Variants in SLC49A4 observed in about 807,000 individuals in gnomAD.
SLC49A4 encodes disrupted in renal cancer protein 2.
A neutral mutation model predicts 50.6 loss-of-function variants in SLC49A4; 36 were observed. The observed-to-expected ratio is 0.71, with a 90% CI of 0.55 to 0.94. The LOEUF (loss-of-function observed/expected upper bound fraction) is 0.94, where lower values mean the gene tolerates loss of function less well. SLC49A4 is among the 40% of genes least tolerant of loss of function. The pLI is 0.00. For synonymous variants in SLC49A4, 248 were observed against 241.2 expected (o/e 1.03, Z -0.26); for missense variants, 503 against 605.7 (o/e 0.83, Z 1.78).
chr3:122,876,257 T>C (rs1937266275), intron 8 of SLC49A4, among the ~76,000 whole-genome samples: 1 of 152,238 alleles, frequency 6.6e-6, no homozygotes, highest in Non-Finnish European at 1.5e-5. Context: ...TTCTGAAGTT[T>C]GTGTTATCTG....
At chr3:122,855,331 G>A (rs1936973542) in intron 5 of SLC49A4, among the ~76,000 whole-genome samples, 1 of 152,198 alleles carries the variant, frequency 6.6e-6, no homozygotes, top group African/African-American at 2.4e-5. Context: ...GGGTCAAGAA[G>A]TAAGAAGATA....
chr3:122,796,716 T>C (rs987261210), intron 1 of SLC49A4, among the ~76,000 whole-genome samples: 3 of 152,140 alleles, frequency 2.0e-5, no homozygotes, highest in Admixed American at 6.5e-5. Flanking sequence ...TTTTGAGGGT[T>C]AAGATTTCAA....
rs1169838683 is a variant in SLC49A4 at position 122,831,724 on chromosome 3, G to T, written c.704-1593G>T. Among the ~76,000 whole-genome samples the T allele has an allele frequency of 2.0e-5, 3 of 152,072 alleles. 1 individual carries two copies. The highest frequency in any genetic ancestry group is 2.9e-5 in the Non-Finnish European group (2 of 67,962). ...GGTAAATGAAAAACCACTAGATTGT[G>T]CACTTTAAATGTGTGCATTGTATGT... On this transcript the variant is annotated intron_variant, in intron 3 of 8. Transcript: ENST00000261038.
At chr3:122,815,135 G>C (rs148080086) in intron 2 of SLC49A4, among the ~76,000 whole-genome samples, 4,845 of 151,936 alleles carry the variant, frequency 0.032, 107 homozygotes, top group Middle Eastern at 0.078. Flanking sequence ...TGTCACCCAG[G>C]CTGGAGTGCA....
chr3:122,795,752 A>G (rs1171151089), intron 1 of SLC49A4, among the ~76,000 whole-genome samples: 2 of 152,208 alleles, frequency 1.3e-5, no homozygotes, highest in African/African-American at 4.8e-5. Context: ...TTTTTTATCA[A>G]GGCCCTTTAT....
chr3:122,826,985 C>T lies in SLC49A4; in HGVS notation c.623C>T (p.Pro208Leu). 6.2e-7 allele frequency: 1 copy of T among 1,614,172 alleles called. No homozygotes were observed. The highest frequency in any genetic ancestry group is 1.7e-5 in the Admixed American group (1 of 60,018). Residue 208 changes from proline (P) to leucine (L), a missense_variant, in exon 3 of 9, where the codon CCC becomes CTC. Transcript: ENST00000261038. ...FLVGPLVVPA[P>L]NGTSPLLAAE... The stretch of plus-strand genomic sequence containing the variant: ...GTTGGACCACTTGTTGTTCCAGCTC[C>T]CAATGGGACATCACCTCTTCTTGCT...
chr3:122,835,808 C>T (rs1936675210), intron 4 of SLC49A4, among the ~76,000 whole-genome samples: 1 of 152,104 alleles, frequency 6.6e-6, no homozygotes, highest in East Asian at 1.9e-4. Flanking sequence ...AAGAGGAAGT[C>T]AAATGATCAC....
chr3:122,817,537 T>C (rs1936387820), intron 2 of SLC49A4, among the ~76,000 whole-genome samples: 1 of 151,566 alleles, frequency 6.6e-6, no homozygotes, highest in African/African-American at 2.4e-5. Context: ...GTTTTGCATG[T>C]GTGTGTGAGA....
intron 2 of SLC49A4, among the ~76,000 whole-genome samples, chr3:122,812,933 G>A (rs80352935): frequency 0.032 from 4,867 of 152,134 alleles, 109 homozygotes; most frequent in Middle Eastern, 0.078. Context: ...GTCATGATAA[G>A]CATTTAAGAG....
At chr3:122,859,975 A>G in intron 6 of SLC49A4, 100 bp from the exon 7 acceptor site, 9 of 1,050,682 alleles carry the variant, frequency 8.6e-6, no homozygotes, top group Non-Finnish European at 1.2e-5. Flanking sequence ...TTAAAAGAAT[A>G]TATGGAAAAT....
At chr3:122,847,815 CTG>C (rs1936876477) in intron 5 of SLC49A4, among the ~76,000 whole-genome samples, 1 of 152,138 alleles carries the variant, frequency 6.6e-6, no homozygotes. Context: ...ATTTAGCAGA[CTG>C]AGGCTATAAT....
intron 2 of SLC49A4, among the ~76,000 whole-genome samples, chr3:122,813,542 C>T (rs903715557): frequency 5.4e-4 from 83 of 152,302 alleles, no homozygotes; most frequent in African/African-American, 1.8e-3. Context: ...TGTATATCAT[C>T]ACAATCATGA....
chr3:122,811,975 T>C (rs1427572086), intron 2 of SLC49A4, among the ~76,000 whole-genome samples: 2 of 152,126 alleles, frequency 1.3e-5, no homozygotes, highest in Non-Finnish European at 2.9e-5. Flanking sequence ...CTTTTTTTTT[T>C]CTTTTGGAAA....
rs757007238 is a variant in SLC49A4 at position 122,879,353 on chromosome 3, A to G, written c.1412A>G (p.Tyr471Cys). The G allele has an allele frequency of 1.1e-5, 17 of 1,613,756 alleles. No homozygotes were observed. The East Asian group carries it at 1.8e-4, about 17-fold the overall frequency. ...TTCAGGGAATCCTATGACAGACTCT[A>G]TCTTGATGTGGTTGTCTCCGTTTAA... ...LCFRESYDRL[Y>C]LDVVVSV is the part of the protein sequence containing the mutation. The change falls in exon 9 of 9, where the codon TAT becomes TGT. Residue 471 changes from tyrosine (Y) to cysteine (C), a missense_variant. Tyr to Cys is a radical substitution (Grantham distance 194). Transcript: ENST00000261038.
chr3:122,832,185 A>G lies in SLC49A4; in HGVS notation c.704-1132A>G, dbSNP rs548192702. 1.3e-3 allele frequency among the ~76,000 whole-genome samples: 204 copies of G among 152,276 alleles called. 1 individual carries two copies. The highest frequency in any genetic ancestry group is 4.6e-3 in the African/African-American group (190 of 41,574). Reference sequence around the variant, plus strand: ...AAATTCAATCTGTTTATTGGCCTAGAAAGATTAAGGGATTTGTTCAAATTA... The same window carrying G: ...AAATTCAATCTGTTTATTGGCCTAGGAAGATTAAGGGATTTGTTCAAATTA... On this transcript the variant is annotated intron_variant, in intron 3 of 8. Coordinates refer to ENST00000261038, the MANE Select transcript of SLC49A4 (RefSeq NM_032839.3).
At position 122,873,988 on chromosome 3, in the gene SLC49A4, C is replaced by T. The variant is rs151218992; in HGVS notation, c.1321+1391C>T. On this transcript the variant is annotated intron_variant, in intron 8 of 8. Transcript: ENST00000261038. The stretch of plus-strand genomic sequence containing the variant: ...CACAGCTTTGCTTAGTGGTTGGTGC[C>T]GCCCAGCAGAGCATGGTTTTTCCTG... Among the ~76,000 whole-genome samples the T allele has an allele frequency of 8.5e-5, 13 of 152,316 alleles. No homozygotes were observed. In the East Asian group the frequency reaches 1.4e-3, roughly 16 times the overall value.
At chr3:122,819,055 C>G (rs1936416237) in intron 2 of SLC49A4, among the ~76,000 whole-genome samples, 1 of 151,600 alleles carries the variant, frequency 6.6e-6, no homozygotes, top group African/African-American at 2.4e-5. Flanking sequence ...GGAGGACTAG[C>G]CTGGGTAACA....
chr3:122,837,622 G>A (rs1343533279), intron 4 of SLC49A4, among the ~76,000 whole-genome samples: 16 of 152,130 alleles, frequency 1.1e-4, no homozygotes, highest in African/African-American at 2.9e-4. Context: ...AAGAAAACCT[G>A]GGCAATACCA....
intron 4 of SLC49A4, among the ~76,000 whole-genome samples, chr3:122,840,541 T>G (rs555211836): frequency 2.0e-5 from 3 of 152,290 alleles, no homozygotes; most frequent in African/African-American, 7.2e-5. Flanking sequence ...AAATCAATTT[T>G]AGTAGCATAT....
Sources: gnomAD v4.1 joint callset for allele counts (sites outside exome capture counted in the v4.1 genomes callset) on GRCh38, gnomAD v4.1.1 for gene constraint, MANE v1.5 for transcripts, NCBI Gene and HGNC (gene_info 2026-07-23, HGNC 2026-07-21) for gene names.